LEKR1: variants seen among roughly 807,000 people sequenced by gnomAD.
LEKR1 encodes protein LEKR1.
Under a neutral mutation model 72.4 loss-of-function variants are expected in LEKR1, and 59 were observed. That is an observed-to-expected ratio of 0.82 (90% CI 0.66 to 1.01). The LOEUF (loss-of-function observed/expected upper bound fraction) is 1.01. Among genes scored for constraint, LEKR1 ranks in the 50% least tolerant of loss-of-function variants. The pLI, the probability that LEKR1 is intolerant of heterozygous loss-of-function variation, is 0.00. For missense variants in LEKR1, 728 were observed against 759.2 expected (o/e 0.96, Z 0.48); for synonymous variants, 257 against 263.2 (o/e 0.98, Z 0.23).
intron 10 of LEKR1, chr3:157,017,261 T>G (rs1203459293): frequency 6.6e-6 from 1 of 152,216 alleles, no homozygotes; most frequent in East Asian, 1.9e-4. Flanking sequence ...GGTCTAAATA[T>G]TCTATTTAAA....
At chr3:156,915,659 G>A (rs113056093) in intron 3 of LEKR1, among the ~76,000 whole-genome samples, 4,828 of 151,274 alleles carry the variant, frequency 0.032, 117 homozygotes, top group Non-Finnish European at 0.048. Flanking sequence ...GCTGCATATC[G>A]GGCCTGTTTT....
chr3:157,026,372 A>G (rs1382880649), intron 11 of LEKR1, among the ~76,000 whole-genome samples: 1 of 152,130 alleles, frequency 6.6e-6, no homozygotes, highest in African/African-American at 2.4e-5. Context: ...ATAAATCCTG[A>G]TTTTTAAATC....
chr3:156,835,104 T>C (rs1279910317), intron 2 of LEKR1, among the ~76,000 whole-genome samples: 1 of 152,238 alleles, frequency 6.6e-6, no homozygotes, highest in Non-Finnish European at 1.5e-5. Context: ...TATTTTAGAC[T>C]ATCAGTTTCT....
chr3:156,936,187 A>G (rs965274779), intron 5 of LEKR1, among the ~76,000 whole-genome samples: 2 of 152,164 alleles, frequency 1.3e-5, no homozygotes, highest in African/African-American at 2.4e-5. Flanking sequence ...GGAGAGTAAC[A>G]TAGGATCCTT....
At chr3:156,844,980 C>T (rs1023216025) in intron 2 of LEKR1, among the ~76,000 whole-genome samples, 1 of 149,880 alleles carries the variant, frequency 6.7e-6, no homozygotes, top group Non-Finnish European at 1.5e-5. Context: ...TTTTTACCTG[C>T]AGTATATGAG....
chr3:156,968,485 G>C (rs1463217806), intron 6 of LEKR1, among the ~76,000 whole-genome samples: 1 of 152,162 alleles, frequency 6.6e-6, no homozygotes, highest in Non-Finnish European at 1.5e-5. Context: ...CCTAGTCTCT[G>C]ATAAAACAAA....
rs1248652568 is a variant in LEKR1, at chr3:156,924,416, TC to T, written c.384-3012del. The T allele has an allele frequency of 4.5e-5, 26 of 575,838 alleles. No individual in the cohort carries two copies. In the South Asian group the frequency reaches 4.5e-4, roughly 10 times the overall value. The allele number at this position is 575,838 out of a possible 1,614,324, so 35.7% of individuals were successfully genotyped here. ...GCAAATATTTTCTCCCAGTGGCTTA[TC>T]TTTTTATTTTCTTAATAATGTCTTT... On this transcript the variant is annotated intron_variant, in intron 4 of 12. Transcript: ENST00000356539.
At chr3:156,987,408 G>C (rs756688018) in intron 7 of LEKR1, among the ~76,000 whole-genome samples, 1 of 152,048 alleles carries the variant, frequency 6.6e-6, no homozygotes, top group Non-Finnish European at 1.5e-5. Context: ...CCACTAAAAG[G>C]AGTTCTTCTG....
Position 156,942,711 on chromosome 3 carries a change from C to A in LEKR1, c.742C>A (p.Leu248Ile). 8.0e-7 allele frequency: 1 copy of A among 1,242,568 alleles called. No individual in the cohort carries two copies. Among genetic ancestry groups the A allele is most frequent in the South Asian group, 1.4e-5 (1 of 73,800 alleles). The allele number at this position is 1,242,568 out of a possible 1,614,324, so 77.0% of individuals were successfully genotyped here. ...ATGCTATGATTTGCAAAAAGAAGTA[C>A]TAGGTAAAGAAAAGTCTTTTGCTGT... Reference protein sequence around the residue: ...TRCYDLQKEVLDLQCLVEALG... With the variant: ...TRCYDLQKEVIDLQCLVEALG... Residue 248 changes from leucine to isoleucine, a missense_variant, in exon 6 of 13, where the codon CTA becomes ATA. By Grantham distance (5) the Leu-to-Ile change is conservative. Transcript: ENST00000356539.
intron 9 of LEKR1, among the ~76,000 whole-genome samples, chr3:157,010,371 C>T (rs1470891006): frequency 6.6e-6 from 1 of 151,958 alleles, no homozygotes; most frequent in East Asian, 1.9e-4. Flanking sequence ...ATGATTCAAA[C>T]CTTCAGAAAT....
At chr3:157,045,107 C>T (rs915067486) in intron 12 of LEKR1, among the ~76,000 whole-genome samples, 1 of 152,202 alleles carries the variant, frequency 6.6e-6, no homozygotes, top group Non-Finnish European at 1.5e-5. Flanking sequence ...TAGTTCTTGA[C>T]TCCTCATCTG....
At position 157,014,570 on chromosome 3, in the gene LEKR1, C is replaced by T. The variant is rs148350974; in HGVS notation, c.1203+3064C>T. Reference sequence around the variant, plus strand: ...ATAATTTCTGACGTACAAAATGTGACACAGATGATGTTGTTATTTATAAAA... The same window carrying T: ...ATAATTTCTGACGTACAAAATGTGATACAGATGATGTTGTTATTTATAAAA... On this transcript the variant is annotated intron_variant, in intron 10 of 12. Coordinates refer to ENST00000356539, the MANE Select transcript of LEKR1 (RefSeq NM_001004316.3). 2.9e-3 allele frequency among the ~76,000 whole-genome samples: 441 copies of T among 152,166 alleles called. 6 individuals carry two copies. The highest frequency in any genetic ancestry group is 0.024 in the East Asian group (124 of 5,188).
chr3:157,044,943 T>A (rs1735644955), intron 12 of LEKR1, among the ~76,000 whole-genome samples: 1 of 152,232 alleles, frequency 6.6e-6, no homozygotes, highest in Non-Finnish European at 1.5e-5. Flanking sequence ...CTACAGCTAT[T>A]AACTATTGAG....
chr3:156,874,277 G>T lies in LEKR1; in HGVS notation c.263+21295G>T, dbSNP rs144241703. 8.1e-3 allele frequency among the ~76,000 whole-genome samples: 1,226 copies of T among 151,202 alleles called. 6 individuals carry two copies. Among genetic ancestry groups the T allele is most frequent in the Non-Finnish European group, 0.013 (886 of 67,702 alleles). ...TCTCAAATTGTTTTTCTGATTTCTT[G>T]GTATTGTCTTTCAGTATTCTCTTTT... is the stretch of plus-strand genomic sequence containing the variant. On this transcript the variant is annotated intron_variant, in intron 3 of 12. Transcript: ENST00000356539.
intron 3 of LEKR1, among the ~76,000 whole-genome samples, chr3:156,882,797 A>G (rs1479591367): frequency 2.6e-5 from 4 of 152,266 alleles, no homozygotes; most frequent in African/African-American, 9.6e-5. Context: ...TGTGGCACAT[A>G]TACACCATGG....
At chr3:157,017,165 T>G (rs1379588511) in intron 10 of LEKR1, among the ~76,000 whole-genome samples, 1 of 152,222 alleles carries the variant, frequency 6.6e-6, no homozygotes, top group Non-Finnish European at 1.5e-5. Flanking sequence ...ACCCTGTCAT[T>G]GTAACATATA....
At chr3:156,934,008 A>C (rs1166580431) in intron 5 of LEKR1, among the ~76,000 whole-genome samples, 3 of 152,216 alleles carry the variant, frequency 2.0e-5, no homozygotes, top group Non-Finnish European at 4.4e-5. Context: ...CCAAACAAGT[A>C]GCTGTCCCTT....
chr3:156,867,367 T>C (rs1456887878), intron 3 of LEKR1, among the ~76,000 whole-genome samples: 1 of 152,032 alleles, frequency 6.6e-6, no homozygotes. Flanking sequence ...TTTAAGAAAA[T>C]AACTCATTTC....
chr3:156,956,844 G>A (rs1206338935), intron 6 of LEKR1, among the ~76,000 whole-genome samples: 1 of 151,914 alleles, frequency 6.6e-6, no homozygotes, highest in Non-Finnish European at 1.5e-5. Flanking sequence ...AAAACTCCAA[G>A]ACCCCAAGCA....
Sources: allele counts gnomAD v4.1 joint callset (sites outside exome capture counted in the v4.1 genomes callset), GRCh38; gene constraint gnomAD v4.1.1; transcripts MANE v1.5; gene names NCBI Gene and HGNC (gene_info 2026-07-23, HGNC 2026-07-21).